AGO4: variants seen among roughly 807,000 people sequenced by gnomAD.
AGO4 encodes protein argonaute-4.
A neutral mutation model predicts 104.7 loss-of-function variants in AGO4; 33 were observed. The ratio of observed to expected loss-of-function variants is 0.32; its 90% confidence interval spans 0.24 to 0.42. AGO4 has a LOEUF of 0.42. AGO4 is among the 10% of genes least tolerant of loss of function. The pLI is 1.00. For missense variants in AGO4, 711 were observed against 1,083.4 expected (o/e 0.66, Z 4.83); for synonymous variants, 331 against 364.7 (o/e 0.91, Z 1.05).
intron 15 of AGO4, among the ~76,000 whole-genome samples, chr1:35,843,229 C>A (rs1325429126): frequency 6.6e-6 from 1 of 152,106 alleles, no homozygotes; most frequent in Non-Finnish European, 1.5e-5. Flanking sequence ...CCATGCCCAG[C>A]TAATTTTTGT....
intron 13 of AGO4, among the ~76,000 whole-genome samples, chr1:35,840,104 G>A (rs935588181): frequency 1.3e-5 from 2 of 151,490 alleles, no homozygotes; most frequent in African/African-American, 2.4e-5. Flanking sequence ...TGATTCTCCC[G>A]CCTTAGCCTC....
At chr1:35,829,220 G>T (rs775436840) in intron 7 of AGO4, among the ~76,000 whole-genome samples, 3 of 151,098 alleles carry the variant, frequency 2.0e-5, no homozygotes, top group African/African-American at 7.3e-5. Flanking sequence ...TCTTCAGTAT[G>T]ACCTCATGTA....
rs551653108 is a variant in AGO4 at position 35,838,860 on chromosome 1, A to C, written c.1725-2305A>C. ...TAAATTTGGGGCTGTGGTATTAGTC[A>C]TTGCCATACTTGAAGATGAAATTGA... is the stretch of plus-strand genomic sequence containing the variant. On this transcript the variant is annotated intron_variant, in intron 13 of 17. Transcript: ENST00000373210. Among the ~76,000 whole-genome samples, 21 of 152,182 alleles carry C rather than the reference A, an allele frequency of 1.4e-4. No individual in the cohort carries two copies. The South Asian group carries it at 4.1e-3, about 30-fold the overall frequency.
At position 35,825,829 on chromosome 1, in the gene AGO4, C is replaced by G. The variant is rs1478929436; in HGVS notation, c.625+14C>G. The G allele has an allele frequency of 1.3e-6, 2 of 1,587,196 alleles. No homozygotes were observed. The highest frequency in any genetic ancestry group is 1.7e-4 in the Middle Eastern group (1 of 5,922). On this transcript the variant is annotated intron_variant, in intron 5 of 17. Transcript: ENST00000373210. ...TCAACATTGATGGTAGGATGGAACT[C>G]TCTTTATCCAATAACTCTTTGGGCT...
chr1:35,842,596 G>A (rs917466828), intron 15 of AGO4, among the ~76,000 whole-genome samples: 2 of 152,188 alleles, frequency 1.3e-5, no homozygotes, highest in African/African-American at 4.8e-5. Context: ...GAGGTCAGGA[G>A]TTCGAGGCCA....
intron 7 of AGO4, 77 bp from the exon 8 acceptor site, chr1:35,831,350 C>CAA (rs201655108): frequency 2.1e-6 from 3 of 1,439,568 alleles, no homozygotes; most frequent in African/African-American, 3.0e-5. Context: ...GACACTGTCT[C>CAA]AAAAAAAAAG....
intron 2 of AGO4, among the ~76,000 whole-genome samples, chr1:35,822,091 G>A (rs1199245108): frequency 1.3e-5 from 2 of 151,946 alleles, no homozygotes; most frequent in African/African-American, 4.8e-5. Flanking sequence ...TGTTGGCCAG[G>A]CTAGTCTCGA....
intron 13 of AGO4, among the ~76,000 whole-genome samples, chr1:35,837,959 T>C (rs1644353486): frequency 6.6e-6 from 1 of 152,046 alleles, no homozygotes; most frequent in Admixed American, 6.6e-5. Flanking sequence ...CATGACTCAC[T>C]GCAGCCTCAA....
intron 11 of AGO4, among the ~76,000 whole-genome samples, chr1:35,833,131 C>T (rs898664020): frequency 6.6e-6 from 1 of 151,740 alleles, no homozygotes; most frequent in Non-Finnish European, 1.5e-5. Context: ...TACAAAAAAT[C>T]AGCCAGGCAT....
intron 1 of AGO4, among the ~76,000 whole-genome samples, chr1:35,813,423 G>A (rs1419101981): frequency 2.0e-5 from 3 of 146,432 alleles, no homozygotes; most frequent in Admixed American, 6.8e-5. Context: ...AAAAAAAAAA[G>A]AATACTTTTA....
Position 35,850,919 on chromosome 1 carries a change from C to T in AGO4, c.2343C>T (p.Leu781=), listed in dbSNP as rs2148689402. The part of the protein sequence containing the change: ...WDDNCFTADE[L]QLLTYQLCHT... ...ACAACTGCTTCACTGCAGATGAACT[C>T]CAGCTACTGACTTACCAGCTGTGTC... The change falls in exon 17 of 18, where the codon CTC becomes CTT. Residue 781 remains leucine (L), a synonymous_variant. Coordinates refer to ENST00000373210, the MANE Select transcript of AGO4 (RefSeq NM_017629.4). The T allele has an allele frequency of 6.2e-7, 1 of 1,613,944 alleles. No individual in the cohort carries two copies. The highest frequency in any genetic ancestry group is 8.5e-7 in the Non-Finnish European group (1 of 1,179,996).
At chr1:35,813,805 G>A (rs1389559261) in intron 1 of AGO4, among the ~76,000 whole-genome samples, 1 of 151,494 alleles carries the variant, frequency 6.6e-6, no homozygotes, top group Non-Finnish European at 1.5e-5. Flanking sequence ...GAAGAAGGAA[G>A]GAAGAAGGAA....
chr1:35,850,580 G>C (rs1644675045), intron 16 of AGO4, among the ~76,000 whole-genome samples: 2 of 151,814 alleles, frequency 1.3e-5, no homozygotes, highest in Admixed American at 1.3e-4. Flanking sequence ...AGGAGTTTGA[G>C]ACCAGCCTGA....
In AGO4 at chr1:35,850,861, G is replaced by T; in HGVS notation, c.2285G>T (p.Ser762Ile). Reference sequence around the variant, plus strand: ...ATAAAACTCTCTCCTCAGGGAACCAGCCGTCCCTCACATTACCAGGTCTTG... The same window carrying T: ...ATAAAACTCTCTCCTCAGGGAACCATCCGTCCCTCACATTACCAGGTCTTG... ...LCSHAGIQGT[S>I]RPSHYQVLWD... The change falls in exon 17 of 18, where the codon AGC becomes ATC. Residue 762 changes from serine (S) to isoleucine (I), a missense_variant. Ser to Ile is a moderately radical substitution (Grantham distance 142). Transcript: ENST00000373210. 1 of 1,593,830 alleles carries T rather than the reference G, an allele frequency of 6.3e-7. No individual in the cohort carries two copies. The highest frequency in any genetic ancestry group is 8.5e-7 in the Non-Finnish European group (1 of 1,170,234).
chr1:35,848,821 A>T (rs1457297337), intron 15 of AGO4, among the ~76,000 whole-genome samples: 1 of 152,186 alleles, frequency 6.6e-6, no homozygotes, highest in Non-Finnish European at 1.5e-5. Context: ...CATCCTGCAA[A>T]GCTAATATTC....
In AGO4 at chr1:35,842,906, T is replaced by A. The variant is rs576106201; in HGVS notation, c.2175+1156T>A. Among the ~76,000 whole-genome samples, 3 of 152,334 alleles carry A rather than the reference T, an allele frequency of 2.0e-5. No homozygotes were observed. In the South Asian group the frequency reaches 6.2e-4, roughly 32 times the overall value. On this transcript the variant is annotated intron_variant, in intron 15 of 17. Transcript: ENST00000373210. ...AATAGATAATCTTGCTTCTTTGATA[T>A]TTTTTAATGACTTTACTTCATCTTG...
chr1:35,853,046 C>T (rs544074695), intron 17 of AGO4, among the ~76,000 whole-genome samples: 2 of 152,138 alleles, frequency 1.3e-5, no homozygotes, highest in Admixed American at 6.5e-5. Context: ...GTCAGGAGAT[C>T]GAGACCATCC....
intron 2 of AGO4, 139 bp downstream of exon 2, chr1:35,817,186 G>A (rs1311747778): frequency 1.1e-6 from 1 of 898,110 alleles, no homozygotes; most frequent in Admixed American, 3.5e-5. Flanking sequence ...CAGGTTTGCT[G>A]TCTCATGCTT....
chr1:35,829,640 C>T (rs1289670271), intron 7 of AGO4, among the ~76,000 whole-genome samples: 1 of 151,876 alleles, frequency 6.6e-6, no homozygotes, highest in Non-Finnish European at 1.5e-5. Flanking sequence ...AGTTCAAGAC[C>T]AGCCTGGCCA....
Sources: allele counts gnomAD v4.1 joint callset (sites outside exome capture counted in the v4.1 genomes callset), GRCh38; gene constraint gnomAD v4.1.1; transcripts MANE v1.5; gene names NCBI Gene and HGNC (gene_info 2026-07-23, HGNC 2026-07-21).